The following IFFO2 variants were observed in gnomAD, a reference collection of about 807,000 sequenced individuals.
IFFO2 encodes intermediate filament family orphan 2.
IFFO2 carries 19 observed loss-of-function variants against 53.5 expected under a neutral mutation model. The observed-to-expected ratio is 0.36, with a 90% confidence interval of 0.25 to 0.52. IFFO2 has a LOEUF of 0.52. IFFO2 is among the 20% of genes least tolerant of loss of function. The pLI is 0.94. For synonymous variants in IFFO2, 303 were observed against 313.6 expected (o/e 0.97, Z 0.36); for missense variants, 570 against 727.4 (o/e 0.78, Z 2.49).
Position 18,917,910 on chromosome 1 carries a change from C to T in IFFO2, c.963+452G>A, listed in dbSNP as rs1469911142. On this transcript the variant is annotated intron_variant, in intron 4 of 8. Coordinates refer to ENST00000455833, the MANE Select transcript of IFFO2 (RefSeq NM_001136265.2). The surrounding 1 kb of genome is among the most constrained non-coding windows in gnomAD (Gnocchi z 5.9). ...AAAGGCCAACAGCTCCTCTTCTGAA[C>T]TCTGAGGCCCCTCTACCAGAGCTCA... 5.3e-5 allele frequency among the ~76,000 whole-genome samples: 8 copies of T among 152,202 alleles called. No individual in the cohort carries two copies. The highest frequency in any genetic ancestry group is 3.9e-4 in the Admixed American group (6 of 15,282).
Position 18,916,779 on chromosome 1 carries a change from A to C in IFFO2, c.1103+124T>G. ...CAAAGTGAGACCCTGTCTCAAAAAA[A>C]AAAAGGAAATGAATTCAAATTCTTC... is the stretch of plus-strand genomic sequence containing the variant. On this transcript the variant is annotated intron_variant, in intron 5 of 8. Transcript: ENST00000455833. The surrounding 1 kb of genome is among the most constrained non-coding windows in gnomAD (Gnocchi z 4.3). 7.9e-7 allele frequency: 1 copy of C among 1,271,426 alleles called. No homozygotes were observed. Among genetic ancestry groups the C allele is most frequent in the Non-Finnish European group, 1.1e-6 (1 of 936,866 alleles). 78.8% of individuals were successfully genotyped at this position (1,271,426 alleles called of 1,614,324 possible). A position where few individuals can be genotyped will look rare whatever the true frequency, so the allele number is the denominator to read the frequency against.
chr1:18,952,894 T>C, intron 1 of IFFO2, among the ~76,000 whole-genome samples: 1 of 152,242 alleles, frequency 6.6e-6, no homozygotes, highest in East Asian at 1.9e-4. Flanking sequence ...ATGTACGTAA[T>C]AGCACAGGCG....
At chr1:18,910,577 C>T (rs1936021882) in intron 7 of IFFO2, 105 bp from the exon 8 acceptor site, 1 of 1,255,058 alleles carries the variant, frequency 8.0e-7, no homozygotes. Context: ...CCATCAAGGC[C>T]ACCATTGGAC....
chr1:18,922,459 G>C (rs900561699), intron 1 of IFFO2, among the ~76,000 whole-genome samples: 1 of 152,142 alleles, frequency 6.6e-6, no homozygotes, highest in East Asian at 1.9e-4. Flanking sequence ...AGCCGGTTAC[G>C]TCACCGGCTT....
intron 1 of IFFO2, among the ~76,000 whole-genome samples, chr1:18,938,611 G>A (rs1194214653): frequency 6.6e-6 from 1 of 152,204 alleles, no homozygotes; most frequent in African/African-American, 2.4e-5. Context: ...TGCCTGTGCT[G>A]ACTTACTGTG....
At chr1:18,939,613 T>G (rs1936495573) in intron 1 of IFFO2, among the ~76,000 whole-genome samples, 1 of 152,194 alleles carries the variant, frequency 6.6e-6, no homozygotes, top group African/African-American at 2.4e-5. Context: ...GCATGAAGAT[T>G]GTGTCTCAAC....
intron 5 of IFFO2, among the ~76,000 whole-genome samples, chr1:18,915,146 G>A (rs1160199833): frequency 2.0e-5 from 3 of 152,116 alleles, no homozygotes; most frequent in African/African-American, 7.2e-5. Flanking sequence ...CAAGAGTTGG[G>A]GGCCTGGCTC....
At chr1:18,930,692 AG>A (rs1290282617) in intron 1 of IFFO2, among the ~76,000 whole-genome samples, 13 of 152,208 alleles carry the variant, frequency 8.5e-5, no homozygotes, top group African/African-American at 2.7e-4. Context: ...AAGGCATTTA[AG>A]GGTATTCACC....
chr1:18,941,760 G>C (rs1262653880), intron 1 of IFFO2, among the ~76,000 whole-genome samples: 1 of 152,194 alleles, frequency 6.6e-6, no homozygotes, highest in Non-Finnish European at 1.5e-5. Context: ...TGAGACCTCA[G>C]ACCAGCAATG....
intron 1 of IFFO2, among the ~76,000 whole-genome samples, chr1:18,938,787 C>T (rs1436755978): frequency 6.6e-6 from 1 of 152,184 alleles, no homozygotes; most frequent in Non-Finnish European, 1.5e-5. Context: ...GCCTGGCCCC[C>T]CCAGGGACAG....
chr1:18,939,817 A>G (rs1485306746), intron 1 of IFFO2, among the ~76,000 whole-genome samples: 1 of 152,220 alleles, frequency 6.6e-6, no homozygotes, highest in African/African-American at 2.4e-5. Context: ...AGACACCAGG[A>G]AGCACTTCCC....
Position 18,919,711 on chromosome 1 carries a change from G to A in IFFO2, c.789C>T (p.Ala263=), listed in dbSNP as rs746083447. 32 of 1,551,540 alleles carry A rather than the reference G, an allele frequency of 2.1e-5. No homozygotes were observed. The highest frequency in any genetic ancestry group is 1.7e-4 in the Middle Eastern group (1 of 6,014). The change falls in exon 3 of 9, where the codon GCC becomes GCT. Residue 263 remains alanine (A), a synonymous_variant. Transcript: ENST00000455833. The surrounding 1 kb of genome is among the most constrained non-coding windows in gnomAD (Gnocchi z 4.9). ...TAAGCCCCTTAAACACCACCAGCTC[G>A]GCCTTGAGCCGCTCGATCTTCTCAT... is the stretch of plus-strand genomic sequence containing the variant. ...EMNEKIERLK[A]ELVVFKGLMS... is the part of the protein sequence containing the mutation.
Position 18,905,197 on chromosome 1 carries a change from A to C in IFFO2, c.*3364T>G, listed in dbSNP as rs1935929577. 1 of 133,376 alleles carries C rather than the reference A, an allele frequency of 7.5e-6. No homozygotes were observed. The highest frequency in any genetic ancestry group is 7.6e-5 in the Admixed American group (1 of 13,192). 8.3% of individuals were successfully genotyped at this position (133,376 alleles called of 1,614,324 possible). ...CTCAGATCCCCACCCCAAGACTTCC[A>C]AGGAGCTGAGGGGTCAGAGGAGAGG... On this transcript the variant is annotated 3_prime_UTR_variant, in exon 9 of 9. Coordinates refer to ENST00000455833, the MANE Select transcript of IFFO2 (RefSeq NM_001136265.2).
At chr1:18,911,609 G>C in intron 6 of IFFO2, 133 bp from the exon 7 acceptor site, 1 of 413,534 alleles carries the variant, frequency 2.4e-6, no homozygotes, top group Non-Finnish European at 3.9e-6. Flanking sequence ...TATGATCTCG[G>C]CTCACTACAA....
chr1:18,931,608 G>C (rs1052617352), intron 1 of IFFO2, among the ~76,000 whole-genome samples: 1 of 152,188 alleles, frequency 6.6e-6, no homozygotes, highest in Non-Finnish European at 1.5e-5. Flanking sequence ...TCTACGAGAA[G>C]GGAAGAATTT....
intron 1 of IFFO2, among the ~76,000 whole-genome samples, chr1:18,937,868 G>T (rs1936469837): frequency 6.6e-6 from 1 of 152,252 alleles, no homozygotes; most frequent in Non-Finnish European, 1.5e-5. Flanking sequence ...CCACACATGG[G>T]ATGCAGAGGG....
chr1:18,956,191 C>A lies in IFFO2; in HGVS notation c.142G>T (p.Asp48Tyr). The change falls in exon 1 of 9, where the codon GAC (aspartate) becomes TAC (tyrosine). Residue 48 changes from aspartate (D) to tyrosine (Y), a missense_variant. Coordinates refer to ENST00000455833, the MANE Select transcript of IFFO2 (RefSeq NM_001136265.2). The surrounding 1 kb of genome is among the most constrained non-coding windows in gnomAD (Gnocchi z 6.4). ...GPSPVTAALR[D>Y]DLGSNIHLLK... ...AGGTGGATGTTGGAGCCCAGGTCGT[C>A]CCGCAGCGCCGCCGTCACCGGCGAC... is the stretch of plus-strand genomic sequence containing the variant. 1 of 1,442,862 alleles carries A rather than the reference C, an allele frequency of 6.9e-7. No homozygotes were observed. 89.4% of individuals were successfully genotyped at this position (1,442,862 alleles called of 1,614,324 possible). A position where few individuals can be genotyped will look rare whatever the true frequency, so the allele number is the denominator to read the frequency against.
chr1:18,919,257 C>G lies in IFFO2; in HGVS notation c.822+421G>C, dbSNP rs75948457. On this transcript the variant is annotated intron_variant, in intron 3 of 8. Transcript: ENST00000455833. This position sits in a 1 kb window ranked among gnomAD's most constrained non-coding sequence, Gnocchi z 4.9. ...GCCTTTCCTGACCTCATGGAGCAAC[C>G]CTGCCAAAGGCCGCTGGGCCTGCGA... 6.4e-3 allele frequency among the ~76,000 whole-genome samples: 981 copies of G among 152,312 alleles called. 9 individuals are homozygous for G. The highest frequency in any genetic ancestry group is 0.01 in the Non-Finnish European group (698 of 68,026).
chr1:18,937,285 C>T (rs1218988784), intron 1 of IFFO2, among the ~76,000 whole-genome samples: 1 of 152,232 alleles, frequency 6.6e-6, no homozygotes, highest in African/African-American at 2.4e-5. Context: ...TCATGGTCCT[C>T]ACTAGCTGGG....
Sources: gnomAD v4.1 joint callset for allele counts (sites outside exome capture counted in the v4.1 genomes callset) on GRCh38, gnomAD v4.1.1 for gene constraint, Gnocchi (gnomAD v3.1) non-coding constraint, MANE v1.5 for transcripts, NCBI Gene and HGNC (gene_info 2026-07-23, HGNC 2026-07-21) for gene names.